PDE6C: variants seen among roughly 807,000 people sequenced by gnomAD.
PDE6C encodes phosphodiesterase 6C.
In PDE6C, 75 loss-of-function variants were observed where a neutral mutation model predicts 113.1. The ratio of observed to expected loss-of-function variants is 0.66; its 90% CI spans 0.55 to 0.80. PDE6C has a LOEUF of 0.80. Ranked by LOEUF, PDE6C falls within the 30% of genes least tolerant of loss-of-function variation. PDE6C has a pLI of 0.00. For synonymous variants in PDE6C, 375 were observed against 363.7 expected, an observed-to-expected ratio of 1.03 and a Z score of -0.35; for missense variants, 912 against 1,038.6, an observed-to-expected ratio of 0.88 and a Z score of 1.67.
At position 93,637,064 on chromosome 10, in the gene PDE6C, G is replaced by T. The variant is rs150008081; in HGVS notation, c.1482+1G>T. ...AGAAAAACAACTTGTTGCAATTTTG[G>T]TAAGTGTTTTCTTTCTAACCTTAAT... On this transcript the variant is annotated splice_donor_variant, in intron 11 of 21. Transcript: ENST00000371447. LOFTEE classifies it high-confidence loss of function. 1.2e-5 allele frequency: 19 copies of T among 1,563,500 alleles called. No individual in the cohort carries two copies. Among genetic ancestry groups the T allele is most frequent in the Non-Finnish European group, 1.5e-5 (17 of 1,134,516 alleles).
intron 15 of PDE6C, among the ~76,000 whole-genome samples, chr10:93,652,762 A>G (rs1193198118): frequency 6.6e-6 from 1 of 152,182 alleles, no homozygotes. Context: ...CCAGGTTTAC[A>G]TTAAGCAATA....
intron 20 of PDE6C, 133 bp from the exon 21 acceptor site, chr10:93,662,895 T>G: frequency 1.2e-6 from 1 of 800,372 alleles, no homozygotes; most frequent in East Asian, 2.7e-5. Flanking sequence ...CCAAACTTCA[T>G]AGGCCCGTGG....
intron 10 of PDE6C, among the ~76,000 whole-genome samples, chr10:93,636,399 T>TGTG (rs1212281381): frequency 8.6e-5 from 13 of 151,388 alleles, no homozygotes; most frequent in African/African-American, 2.9e-4. Context: ...TGTGTGTGTG[T>TGTG]GTGTGTGTAG....
At chr10:93,615,661 C>T (rs895036637) in intron 1 of PDE6C, among the ~76,000 whole-genome samples, 22 of 152,196 alleles carry the variant, frequency 1.4e-4, no homozygotes, top group African/African-American at 4.6e-4. Flanking sequence ...GGATTACAGG[C>T]GTGAGCCACT....
In PDE6C at chr10:93,649,284, G is replaced by A. The variant is rs76202791; in HGVS notation, c.1935+3237G>A. Among the ~76,000 whole-genome samples, 1,178 of 152,198 alleles carry A rather than the reference G, an allele frequency of 7.7e-3. 8 individuals are homozygous for A. The highest frequency in any genetic ancestry group is 0.022 in the African/African-American group (896 of 41,530). On this transcript the variant is annotated intron_variant, in intron 15 of 21. Coordinates refer to ENST00000371447, the MANE Select transcript of PDE6C (RefSeq NM_006204.4). The stretch of plus-strand genomic sequence containing the variant: ...ACAAAATGTCTTCAACACAATGCTC[G>A]AAAACAAATGGAATATTACATATTT...
At position 93,658,971 on chromosome 10, in the gene PDE6C, T is replaced by G; in HGVS notation, c.2107T>G (p.Tyr703Asp). 1 of 1,612,208 alleles carries G rather than the reference T, an allele frequency of 6.2e-7. No homozygotes were observed. Among genetic ancestry groups the G allele is most frequent in the Non-Finnish European group, 8.5e-7 (1 of 1,178,372 alleles). ...QMQTEEEAIK[Y>D]VTVDPTKKEI... Reference sequence around the variant, plus strand: ...GCAAACGGAAGAAGAAGCCATCAAATATGTAACTGTTGATCCAACCAAGAA... The same window carrying G: ...GCAAACGGAAGAAGAAGCCATCAAAGATGTAACTGTTGATCCAACCAAGAA... The change falls in exon 17 of 22, where the codon TAT becomes GAT. Residue 703 changes from tyrosine (Y) to aspartate (D), a missense_variant. Coordinates refer to ENST00000371447, the MANE Select transcript of PDE6C (RefSeq NM_006204.4).
chr10:93,657,172 G>GT (rs1232402680), intron 16 of PDE6C, among the ~76,000 whole-genome samples: 8 of 150,380 alleles, frequency 5.3e-5, no homozygotes, highest in East Asian at 4.0e-4. Context: ...TTGGTTTCTT[G>GT]GTTTTTTTGC....
Position 93,659,106 on chromosome 10 carries a change from C to T in PDE6C, c.2147C>T (p.Ala716Val). The stretch of plus-strand genomic sequence containing the variant: ...AAATTTTTTGTTTTCTTCCTAAGGG[C>T]AATGATGATGACGGCATGTGACTTG... ...VDPTKKEIIM[A>V]MMMTACDLSA... The change falls in exon 18 of 22, where the codon GCA (alanine) becomes GTA (valine). Residue 716 changes from alanine to valine, a missense_variant and splice_region_variant. By Grantham distance (64) the Ala-to-Val change is moderately conservative. Coordinates refer to ENST00000371447, the MANE Select transcript of PDE6C (RefSeq NM_006204.4). 1.2e-6 allele frequency: 2 copies of T among 1,609,612 alleles called. No homozygotes were observed. Among genetic ancestry groups the T allele is most frequent in the Non-Finnish European group, 1.7e-6 (2 of 1,177,774 alleles).
At chr10:93,622,647 TTTG>T (rs1367559322) in intron 4 of PDE6C, among the ~76,000 whole-genome samples, 1 of 13,014 alleles carries the variant, frequency 7.7e-5, no homozygotes, top group African/African-American at 9.6e-5. Flanking sequence ...AGGTTTTTTT[TTTG>T]TTTTTTTTTT....
Position 93,615,624 on chromosome 10 carries a change from C to A in PDE6C, c.480+2419C>A, listed in dbSNP as rs2009687. Among the ~76,000 whole-genome samples, 956 of 152,262 alleles carry A rather than the reference C, an allele frequency of 6.3e-3. 9 individuals are homozygous for A. The highest frequency in any genetic ancestry group is 0.016 in the African/African-American group (672 of 41,552). On this transcript the variant is annotated intron_variant, in intron 1 of 21. Transcript: ENST00000371447. ...ACTGAACTCCTGACCTCAGGTGATC[C>A]ACCTGTCTCGGACTTTCAAAGTGCT...
intron 15 of PDE6C, among the ~76,000 whole-genome samples, chr10:93,646,507 T>G (rs967678340): frequency 6.6e-6 from 1 of 152,074 alleles, no homozygotes; most frequent in African/African-American, 2.4e-5. Flanking sequence ...GACTGGGTAA[T>G]TATAAAGAAA....
At chr10:93,638,790 G>A (rs1186576149) in intron 11 of PDE6C, among the ~76,000 whole-genome samples, 1 of 152,176 alleles carries the variant, frequency 6.6e-6, no homozygotes, top group Non-Finnish European at 1.5e-5. Flanking sequence ...GCACTTTCAT[G>A]TTACCTCCAG....
In PDE6C at chr10:93,640,443, CT is replaced by C. The variant is rs1007420389; in HGVS notation, c.1630-3del. On this transcript the variant is annotated splice_region_variant and splice_polypyrimidine_tract_variant and intron_variant, in intron 12 of 21. Coordinates refer to ENST00000371447, the MANE Select transcript of PDE6C (RefSeq NM_006204.4). Reference sequence around the variant, plus strand: ...TCCAAAGTCTGAATGGTGTCATCTTCTTTTAGGTTCTTACCAGATGGATGTA... The same window carrying C: ...TCCAAAGTCTGAATGGTGTCATCTTCTTTAGGTTCTTACCAGATGGATGTA... 1 of 1,598,852 alleles carries C rather than the reference CT, an allele frequency of 6.3e-7. No homozygotes were observed.
At chr10:93,653,228 C>T (rs2058617397) in intron 15 of PDE6C, among the ~76,000 whole-genome samples, 1 of 152,134 alleles carries the variant, frequency 6.6e-6, no homozygotes. Context: ...CAAAATGACT[C>T]CACTTACTTT....
chr10:93,628,568 GA>G (rs2058485260), intron 7 of PDE6C, among the ~76,000 whole-genome samples: 1 of 151,988 alleles, frequency 6.6e-6, no homozygotes, highest in Admixed American at 6.6e-5. Flanking sequence ...CTGGGAAACA[GA>G]ACAAAAACTC....
In PDE6C at chr10:93,620,634, C is replaced by A; in HGVS notation, c.483C>A (p.Asn161Lys). The A allele has an allele frequency of 6.2e-7, 1 of 1,614,034 alleles. No individual in the cohort carries two copies. Among genetic ancestry groups the A allele is most frequent in the South Asian group, 1.1e-5 (1 of 91,074 alleles). ...AAATATGTGACTGTCTCTTTCAGAA[C>A]AGCCATTTTTCTGACTTCATGGACA... ...KTHNVPDVKK[N>K]SHFSDFMDKQ... The change falls in exon 2 of 22, where the codon AAC (asparagine) becomes AAA (lysine). Residue 161 changes from asparagine to lysine, a missense_variant and splice_region_variant. Transcript: ENST00000371447.
Position 93,612,598 on chromosome 10 carries a change from C to T in PDE6C, c.-128C>T, listed in dbSNP as rs1484874590. 6.2e-6 allele frequency: 8 copies of T among 1,281,488 alleles called. No homozygotes were observed. The Admixed American group carries it at 1.2e-4, about 19-fold the overall frequency. 79.4% of individuals were successfully genotyped at this position (1,281,488 alleles called of 1,614,324 possible). A position where few individuals can be genotyped will look rare whatever the true frequency, so the allele number is the denominator to read the frequency against. On this transcript the variant is annotated 5_prime_UTR_variant, in exon 1 of 22. Coordinates refer to ENST00000371447, the MANE Select transcript of PDE6C (RefSeq NM_006204.4). The stretch of plus-strand genomic sequence containing the variant: ...TGCTTTCTGCTTGACCTTTGGAAGT[C>T]CTATGAGGGACCATTTACGGTTTCC...
intron 15 of PDE6C, among the ~76,000 whole-genome samples, chr10:93,649,105 G>A (rs1284001696): frequency 6.6e-6 from 1 of 152,108 alleles, no homozygotes; most frequent in Non-Finnish European, 1.5e-5. Flanking sequence ...TTTGGGGTGT[G>A]CTATGCAGAA....
At chr10:93,633,467 A>C (rs867077257) in intron 8 of PDE6C, among the ~76,000 whole-genome samples, 110 of 53,338 alleles carry the variant, frequency 2.1e-3, no homozygotes, top group African/African-American at 7.7e-3. Context: ...CCCTGTCTCA[A>C]AAAAAAAAAA....
Sources: gnomAD v4.1 joint callset for allele counts (sites outside exome capture counted in the v4.1 genomes callset) on GRCh38, gnomAD v4.1.1 for gene constraint, MANE v1.5 for transcripts, NCBI Gene and HGNC (gene_info 2026-07-23, HGNC 2026-07-21) for gene names.